TIPIN: variants seen among roughly 807,000 people sequenced by gnomAD.
The protein encoded by TIPIN is TIMELESS-interacting protein.
In TIPIN, 29 loss-of-function variants were observed where a neutral mutation model predicts 35.6. The observed-to-expected ratio is 0.82, with a 90% CI of 0.61 to 1.11. The LOEUF (loss-of-function observed/expected upper bound fraction) is 1.11, where lower values mean the gene tolerates loss of function less well. Among genes scored for constraint, TIPIN ranks in the 50% most tolerant of loss-of-function variants. The pLI, the probability that TIPIN is intolerant of heterozygous loss-of-function variation, is 0.00. For synonymous variants in TIPIN, 102 were observed against 121.5 expected (o/e 0.84, Z 1.06); for missense variants, 296 against 345.4 (o/e 0.86, Z 1.13).
intron 6 of TIPIN, among the ~76,000 whole-genome samples, chr15:66,346,926 G>A (rs1354935994): frequency 6.6e-6 from 1 of 151,852 alleles, no homozygotes; most frequent in Admixed American, 6.6e-5. Flanking sequence ...CGAATAGCTG[G>A]GACTACAGGT....
At chr15:66,379,513 A>T in intron 1 of TIPIN, 2 of 1,610,122 alleles carry the variant, frequency 1.2e-6, no homozygotes, top group Non-Finnish European at 1.7e-6. Flanking sequence ...TGAGATACTG[A>T]ACAAGCAACA....
chr15:66,382,335 T>C (rs1228141475), intron 1 of TIPIN: 4 of 985,108 alleles, frequency 4.1e-6, no homozygotes, highest in Non-Finnish European at 3.6e-6. Flanking sequence ...TGTTTGATTT[T>C]GAACCTAAGA....
intron 1 of TIPIN, among the ~76,000 whole-genome samples, chr15:66,380,334 C>T (rs1398783363): frequency 6.6e-6 from 1 of 151,944 alleles, no homozygotes; most frequent in East Asian, 1.9e-4. Context: ...TTCAAATGGC[C>T]AGGTAGTTGT....
chr15:66,343,258 G>A (rs930051416), intron 6 of TIPIN, among the ~76,000 whole-genome samples: 6 of 152,166 alleles, frequency 3.9e-5, no homozygotes, highest in African/African-American at 1.4e-4. Flanking sequence ...AAACAGCAGA[G>A]CTGACACTTT....
intron 1 of TIPIN, chr15:66,382,403 G>A: frequency 1.0e-6 from 1 of 983,978 alleles, no homozygotes. Context: ...ATCACTGGTT[G>A]TCCTTGTATT....
At chr15:66,344,137 AC>A (rs1266317378) in intron 6 of TIPIN, among the ~76,000 whole-genome samples, 1 of 152,092 alleles carries the variant, frequency 6.6e-6, no homozygotes, top group Non-Finnish European at 1.5e-5. Flanking sequence ...TCACTCTGTC[AC>A]CCAGGCTAGA....
chr15:66,356,739 G>C, upstream of TIPIN: 9 of 985,340 alleles, frequency 9.1e-6, no homozygotes, highest in Non-Finnish European at 8.4e-6. Flanking sequence ...GGCCCGCAGC[G>C]TTTGGCGCCA....
chr15:66,356,610 ACTT>A, intron 1 of TIPIN, 26 bp downstream of exon 1: 1 of 985,802 alleles, frequency 1.0e-6, no homozygotes, highest in Non-Finnish European at 1.2e-6. Context: ...CCCCGCAAGA[ACTT>A]CATTGGCCCG....
intron 1 of TIPIN, among the ~76,000 whole-genome samples, chr15:66,365,105 T>C (rs1473559439): frequency 6.6e-6 from 1 of 151,482 alleles, no homozygotes; most frequent in Admixed American, 6.6e-5. Context: ...TCCCAGGAGG[T>C]TAGGCATTCT....
chr15:66,350,643 G>A (rs2093161341), intron 4 of TIPIN, among the ~76,000 whole-genome samples: 1 of 148,564 alleles, frequency 6.7e-6, no homozygotes, highest in Non-Finnish European at 1.5e-5. Flanking sequence ...AAAGTTAAAA[G>A]ATAGTAGGCC....
intron 1 of TIPIN, chr15:66,366,970 CA>C (rs2093257414): frequency 1.2e-6 from 1 of 845,334 alleles, no homozygotes; most frequent in Non-Finnish European, 1.4e-6. Flanking sequence ...CACTCGAGGT[CA>C]GGAGTTTGAG....
intron 1 of TIPIN, chr15:66,371,251 G>T (rs2093276686): frequency 1.0e-6 from 1 of 983,608 alleles, no homozygotes; most frequent in Admixed American, 6.2e-5. Context: ...TCTACTACCT[G>T]TTGTATACTT....
Position 66,337,052 on chromosome 15 carries a change from GT to G in TIPIN, c.811del (p.Thr271LeufsTer2). 1 of 1,614,114 alleles carries G rather than the reference GT, an allele frequency of 6.2e-7. No individual in the cohort carries two copies. The highest frequency in any genetic ancestry group is 8.5e-7 in the Non-Finnish European group (1 of 1,180,018). On this transcript the variant is annotated frameshift_variant, in exon 8 of 8. Transcript: ENST00000261881. LOFTEE classifies it high-confidence loss of function. ...DNPCNDAIAN[T>X]LNEEETLLDQ... ...CAGCAGTGTTTCCTCTTCATTTAAAGTATTGGCAATAGCATCATTACATGGA... is the reference window on the plus strand; with the variant it reads ...CAGCAGTGTTTCCTCTTCATTTAAAGATTGGCAATAGCATCATTACATGGA...
At chr15:66,371,017 C>G (rs1344831607) in intron 1 of TIPIN, among the ~76,000 whole-genome samples, 1 of 152,088 alleles carries the variant, frequency 6.6e-6, no homozygotes, top group Non-Finnish European at 1.5e-5. Flanking sequence ...TCGAGACCAG[C>G]CTGGCCAACA....
intron 1 of TIPIN, among the ~76,000 whole-genome samples, chr15:66,370,965 C>T (rs1185301144): frequency 2.6e-5 from 4 of 152,172 alleles, no homozygotes; most frequent in Admixed American, 1.3e-4. Flanking sequence ...AATCCCAGCA[C>T]TTTGGGAGGC....
chr15:66,371,449 C>T (rs2093277254), intron 1 of TIPIN: 1 of 902,828 alleles, frequency 1.1e-6, no homozygotes, highest in Non-Finnish European at 1.3e-6. Context: ...GGTCAGTCTG[C>T]TTTATTTTCT....
intron 6 of TIPIN, 86 bp from the exon 7 acceptor site, chr15:66,341,442 G>A: frequency 8.0e-7 from 1 of 1,253,148 alleles, no homozygotes. Context: ...AAGTGGCAAG[G>A]TGACAGACCT....
chr15:66,352,249 G>T, intron 2 of TIPIN, 42 bp from the exon 3 acceptor site: 2 of 1,394,428 alleles, frequency 1.4e-6, no homozygotes, highest in Non-Finnish European at 2.0e-6. Context: ...GTACTTAAAT[G>T]ATTTGTATTA....
intron 1 of TIPIN, among the ~76,000 whole-genome samples, chr15:66,377,651 C>T (rs1174953544): frequency 1.4e-5 from 2 of 145,402 alleles, no homozygotes; most frequent in Non-Finnish European, 3.1e-5. Context: ...GCGTGAGCCA[C>T]AGCGCCTGGG....
Sources: allele counts gnomAD v4.1 joint callset (sites outside exome capture counted in the v4.1 genomes callset), GRCh38; gene constraint gnomAD v4.1.1; transcripts MANE v1.5; gene names NCBI Gene and HGNC (gene_info 2026-07-23, HGNC 2026-07-21).